The following PUDP variants were observed in gnomAD, a reference collection of about 807,000 sequenced individuals.
PUDP encodes pseudouridine-5'-phosphatase.
In PUDP, 8 loss-of-function variants were observed where a neutral mutation model predicts 9.4. The ratio of observed to expected loss-of-function variants is 0.85; its 90% CI spans 0.50 to 1.53. The LOEUF (loss-of-function observed/expected upper bound fraction) is 1.53, where lower values mean the gene tolerates loss of function less well. Ranked by LOEUF, PUDP falls within the 40% of genes most tolerant of loss-of-function variation. The pLI, the probability that PUDP is intolerant of heterozygous loss-of-function variation, is 0.00. For missense variants in PUDP, 188 were observed against 189.7 expected (o/e 0.99, Z 0.05); for synonymous variants, 99 against 80.7 (o/e 1.23, Z -1.22).
intron 3 of PUDP, among the ~76,000 whole-genome samples, chrX:6,960,176 CAG>C (rs1266002710): frequency 4.5e-5 from 5 of 112,310 alleles, no homozygotes; most frequent in African/African-American, 6.5e-5. Context: ...GTAAGAAGAA[CAG>C]AAATTCAGGA....
At chrX:6,999,433 C>T (rs1490528342) in intron 1 of PUDP, among the ~76,000 whole-genome samples, 1 of 111,897 alleles carries the variant, frequency 8.9e-6, no homozygotes, top group Non-Finnish European at 1.9e-5. Flanking sequence ...AGTATCACAA[C>T]ATTGCAGCCT....
chrX:6,978,309 C>T (rs772122755), exon 2 of PUDP, among the ~76,000 whole-genome samples: 10 of 109,877 alleles, frequency 9.1e-5, no homozygotes, highest in African/African-American at 3.0e-4. Context: ...GTGCTAAGTC[C>T]CATCTTCAGT....
At chrX:6,787,093 G>A (rs1316854362) in intron 3 of PUDP, among the ~76,000 whole-genome samples, 2 of 109,165 alleles carry the variant, frequency 1.8e-5, no homozygotes, top group Non-Finnish European at 3.8e-5. Flanking sequence ...CATGTCACTG[G>A]TTAAATTTCC....
At chrX:7,066,754 G>A (rs914982269) in intron 3 of PUDP, among the ~76,000 whole-genome samples, 5 of 111,600 alleles carry the variant, frequency 4.5e-5, no homozygotes, top group South Asian at 7.5e-4. Flanking sequence ...TTACAACTTC[G>A]GGGAAGTTAA....
intron 2 of PUDP, among the ~76,000 whole-genome samples, chrX:7,101,743 G>C (rs750794513): frequency 9.0e-6 from 1 of 111,066 alleles, no homozygotes; most frequent in South Asian, 3.8e-4. Context: ...CAGTCACAGA[G>C]TAACTTTATG....
chrX:6,870,484 C>G (rs984042069), intron 3 of PUDP, among the ~76,000 whole-genome samples: 2 of 111,653 alleles, frequency 1.8e-5, no homozygotes, highest in East Asian at 5.6e-4. Flanking sequence ...TGCTGCCATC[C>G]ATGTAAGATG....
At chrX:6,767,230 A>C (rs1284957877) in intron 3 of PUDP, among the ~76,000 whole-genome samples, 1 of 113,151 alleles carries the variant, frequency 8.8e-6, no homozygotes, top group Non-Finnish European at 1.9e-5. Flanking sequence ...AATCTGGTCA[A>C]CCATGGCATG....
chrX:6,809,080 C>T lies in PUDP; in HGVS notation c.*248-102614G>A, dbSNP rs188940093. The stretch of plus-strand genomic sequence containing the variant: ...TTGCACATGATCCCATAGCATGTGG[C>T]CAAGCCCAATCAAATGCTGGCTGAC... On this transcript the variant is annotated intron_variant and NMD_transcript_variant, in intron 3 of 3. Transcript: ENST00000655425. Among the ~76,000 whole-genome samples, 300 of 111,086 alleles carry T rather than the reference C, an allele frequency of 2.7e-3. 1 individual carries two copies. Among genetic ancestry groups the T allele is most frequent in the African/African-American group, 9.3e-3 (285 of 30,548 alleles).
intron 3 of PUDP, among the ~76,000 whole-genome samples, chrX:6,872,821 C>T (rs1272633105): frequency 9.1e-6 from 1 of 109,833 alleles, no homozygotes; most frequent in Non-Finnish European, 1.9e-5. Flanking sequence ...CATAACCATA[C>T]ATAAAGGCTT....
intron 3 of PUDP, among the ~76,000 whole-genome samples, chrX:6,855,202 T>C (rs1268687441): frequency 1.8e-5 from 2 of 111,176 alleles, no homozygotes; most frequent in Non-Finnish European, 3.8e-5. Context: ...GAATAGTAAA[T>C]GTATTTTCTC....
intron 1 of PUDP, among the ~76,000 whole-genome samples, chrX:7,142,103 A>G (rs1932801262): frequency 8.9e-6 from 1 of 112,346 alleles, no homozygotes; most frequent in Non-Finnish European, 1.9e-5. Flanking sequence ...TCTGCAGCCC[A>G]TGGATTGAGG....
chrX:7,117,551 G>A (rs966026813), intron 1 of PUDP, among the ~76,000 whole-genome samples: 1 of 112,748 alleles, frequency 8.9e-6, no homozygotes, highest in African/African-American at 3.2e-5. Flanking sequence ...ACGCTCAGAT[G>A]CAGAAGCAAA....
chrX:6,922,420 T>G (rs773893137), intron 3 of PUDP, among the ~76,000 whole-genome samples: 9 of 111,674 alleles, frequency 8.1e-5, no homozygotes, highest in South Asian at 3.8e-4. Flanking sequence ...AAAAAATAAA[T>G]AGATATTTAA....
intron 1 of PUDP, among the ~76,000 whole-genome samples, chrX:7,146,325 T>C (rs1159601052): frequency 8.9e-6 from 1 of 111,991 alleles, no homozygotes; most frequent in Non-Finnish European, 1.9e-5. Flanking sequence ...ATTTAGAAGT[T>C]TAATAAATTT....
chrX:6,963,071 T>C (rs760480561), intron 3 of PUDP, among the ~76,000 whole-genome samples: 1 of 112,361 alleles, frequency 8.9e-6, no homozygotes, highest in Non-Finnish European at 1.9e-5. Flanking sequence ...GATCATGTAC[T>C]GCAGGGCACT....
intron 3 of PUDP, among the ~76,000 whole-genome samples, chrX:6,890,189 T>C (rs1927492083): frequency 8.9e-6 from 1 of 111,899 alleles, no homozygotes; most frequent in Admixed American, 9.5e-5. Flanking sequence ...AGACCAAGTA[T>C]GCATCGCCTT....
At chrX:6,833,091 T>G (rs1926528614) in intron 3 of PUDP, among the ~76,000 whole-genome samples, 1 of 112,053 alleles carries the variant, frequency 8.9e-6, no homozygotes, top group Admixed American at 9.5e-5. Flanking sequence ...ACAAGCATGT[T>G]AAAAAATGTT....
intron 1 of PUDP, among the ~76,000 whole-genome samples, chrX:7,132,076 C>T (rs1482805580): frequency 9.1e-6 from 1 of 110,142 alleles, no homozygotes; most frequent in African/African-American, 3.3e-5. Flanking sequence ...TGTCCACCCC[C>T]GCCCCCGTAC....
chrX:6,969,818 G>A (rs183685996), intron 3 of PUDP, among the ~76,000 whole-genome samples: 70 of 112,222 alleles, frequency 6.2e-4, no homozygotes, highest in African/African-American at 2.1e-3. Flanking sequence ...GGAGTTCAAG[G>A]CCGCAGTGAG....
Sources: gnomAD v4.1 joint callset for allele counts (sites outside exome capture counted in the v4.1 genomes callset) on GRCh38, gnomAD v4.1.1 for gene constraint, MANE v1.5 for transcripts, NCBI Gene and HGNC (gene_info 2026-07-23, HGNC 2026-07-21) for gene names.